NEK7: variants seen among roughly 807,000 people sequenced by gnomAD.
NEK7 encodes the protein serine/threonine-protein kinase Nek7.
In NEK7, 18 loss-of-function variants were observed where a neutral mutation model predicts 44.6. The observed-to-expected ratio is 0.40, with a 90% CI of 0.28 to 0.60. NEK7 has a LOEUF of 0.60. Ranked by LOEUF, NEK7 falls within the 20% of genes least tolerant of loss-of-function variation. NEK7 has a pLI of 0.38. For synonymous variants in NEK7, 130 were observed against 121.1 expected (o/e 1.07, Z -0.48); for missense variants, 256 against 366.5 (o/e 0.70, Z 2.46).
At chr1:198,163,447 G>A (rs112563395) in intron 1 of NEK7, among the ~76,000 whole-genome samples, 2,906 of 152,064 alleles carry the variant, frequency 0.019, 40 homozygotes, top group South Asian at 0.038. Flanking sequence ...CTAGGATTTC[G>A]AGGCTGCAGT....
At chr1:198,276,467 A>G (rs1654021939) in intron 5 of NEK7, among the ~76,000 whole-genome samples, 1 of 151,680 alleles carries the variant, frequency 6.6e-6, no homozygotes, top group Non-Finnish European at 1.5e-5. Flanking sequence ...AGTCTGAAAG[A>G]AAATTATGTG....
At chr1:198,234,103 G>C (rs1007591453) in intron 2 of NEK7, among the ~76,000 whole-genome samples, 1 of 152,050 alleles carries the variant, frequency 6.6e-6, no homozygotes, top group Non-Finnish European at 1.5e-5. Flanking sequence ...TACCTTGGAT[G>C]CCCTCTGGTA....
intron 1 of NEK7, among the ~76,000 whole-genome samples, chr1:198,158,607 G>A (rs1050833333): frequency 6.6e-6 from 1 of 152,168 alleles, no homozygotes; most frequent in African/African-American, 2.4e-5. Flanking sequence ...TGGGACAACC[G>A]GTCAAACCCT....
At chr1:198,296,761 C>T (rs532425360) in intron 8 of NEK7, among the ~76,000 whole-genome samples, 2 of 152,314 alleles carry the variant, frequency 1.3e-5, no homozygotes, top group South Asian at 2.1e-4. Context: ...GGTTGAGCTA[C>T]ACCTTGTGAT....
intron 7 of NEK7, among the ~76,000 whole-genome samples, chr1:198,285,482 G>A (rs1365318211): frequency 1.3e-5 from 2 of 152,156 alleles, no homozygotes; most frequent in Non-Finnish European, 2.9e-5. Flanking sequence ...GGTAGCTGAC[G>A]TCCCTTCATG....
chr1:198,240,684 A>T (rs564260560), intron 2 of NEK7, among the ~76,000 whole-genome samples: 1 of 147,642 alleles, frequency 6.8e-6, no homozygotes, highest in African/African-American at 2.4e-5. Flanking sequence ...TTCTTAAACC[A>T]ATAATTTTTT....
intron 1 of NEK7, among the ~76,000 whole-genome samples, chr1:198,195,233 G>C (rs942148098): frequency 6.6e-6 from 1 of 152,058 alleles, no homozygotes; most frequent in Non-Finnish European, 1.5e-5. Flanking sequence ...TGACATGTAA[G>C]TACCTTTCAG....
At position 198,320,311 on chromosome 1, in the gene NEK7, TG is replaced by T. The variant is rs1421253630; in HGVS notation, c.*790del. The T allele has an allele frequency of 2.0e-5, 3 of 152,174 alleles. No homozygotes were observed. The highest frequency in any genetic ancestry group is 7.2e-5 in the African/African-American group (3 of 41,468). The allele number at this position is 152,174 out of a possible 1,614,324, so 9.4% of individuals were successfully genotyped here. ...GGCTTTTTTTGTGTGTTTTTATTGTTGTTTGTACATTTGAAAAATATTCTTT... is the reference window on the plus strand; with the variant it reads ...GGCTTTTTTTGTGTGTTTTTATTGTTTTTGTACATTTGAAAAATATTCTTT... On this transcript the variant is annotated 3_prime_UTR_variant, in exon 10 of 10. Transcript: ENST00000367385.
At chr1:198,301,525 G>A (rs555431612) in intron 9 of NEK7, among the ~76,000 whole-genome samples, 1 of 152,356 alleles carries the variant, frequency 6.6e-6, no homozygotes, top group Non-Finnish European at 1.5e-5. Context: ...GTTCCAGCCT[G>A]GGCGACAGAG....
intron 1 of NEK7, among the ~76,000 whole-genome samples, chr1:198,169,272 T>C (rs1044383819): frequency 9.2e-5 from 14 of 152,236 alleles, no homozygotes; most frequent in East Asian, 1.9e-4. Flanking sequence ...TTATTTTTGC[T>C]TGGAGGTGCC....
At chr1:198,188,055 A>G (rs16842546) in intron 1 of NEK7, among the ~76,000 whole-genome samples, 22,666 of 152,068 alleles carry the variant, frequency 0.15, 1,870 homozygotes, top group East Asian at 0.22. Context: ...TCTGGTGCCA[A>G]TTTTTTGGGT....
chr1:198,193,391 C>A (rs1055947513), intron 1 of NEK7, among the ~76,000 whole-genome samples: 15 of 152,160 alleles, frequency 9.9e-5, no homozygotes, highest in Non-Finnish European at 2.2e-4. Flanking sequence ...CAAAAAGGAG[C>A]TGGTACCATT....
At chr1:198,203,082 C>A (rs1665483020) in intron 1 of NEK7, among the ~76,000 whole-genome samples, 1 of 138,646 alleles carries the variant, frequency 7.2e-6, no homozygotes, top group Non-Finnish European at 1.5e-5. Context: ...GCATTTATAA[C>A]CATCCTTCCC....
chr1:198,282,310 T>C (rs911074261), intron 7 of NEK7, among the ~76,000 whole-genome samples: 1 of 152,114 alleles, frequency 6.6e-6, no homozygotes, highest in Non-Finnish European at 1.5e-5. Flanking sequence ...GCCTGAAGAA[T>C]GTCATGCAAG....
rs375884692 is a variant in NEK7, at chr1:198,312,613, A to T, written c.799-6799A>T. 1.8e-3 allele frequency among the ~76,000 whole-genome samples: 266 copies of T among 149,730 alleles called. 2 individuals are homozygous for T. The East Asian group carries it at 0.028, about 16-fold the overall frequency. On this transcript the variant is annotated intron_variant, in intron 9 of 9. Coordinates refer to ENST00000367385, the MANE Select transcript of NEK7 (RefSeq NM_133494.3). The stretch of plus-strand genomic sequence containing the variant: ...TGCCCTCTACACACTGCTTTAAATG[A>T]GTCCCAGAGATTCTTGTATGTTGTG...
At chr1:198,263,953 T>C (rs1241670284) in intron 4 of NEK7, among the ~76,000 whole-genome samples, 172 bp from the exon 5 acceptor site, 1 of 152,004 alleles carries the variant, frequency 6.6e-6, no homozygotes, top group Non-Finnish European at 1.5e-5. Flanking sequence ...CTAGTTTTAC[T>C]TTTAATAATT....
At chr1:198,180,446 TG>T (rs1323256274) in intron 1 of NEK7, among the ~76,000 whole-genome samples, 1 of 152,076 alleles carries the variant, frequency 6.6e-6, no homozygotes, top group Non-Finnish European at 1.5e-5. Context: ...TGTAACAGTT[TG>T]CTTGAGGAAT....
At chr1:198,238,202 C>A (rs956289037) in intron 2 of NEK7, among the ~76,000 whole-genome samples, 4 of 152,142 alleles carry the variant, frequency 2.6e-5, no homozygotes, top group Non-Finnish European at 2.9e-5. Flanking sequence ...TTCTCCCCCC[C>A]AGGACACTGC....
intron 2 of NEK7, among the ~76,000 whole-genome samples, chr1:198,234,844 T>C (rs1666501512): frequency 6.6e-6 from 1 of 152,278 alleles, no homozygotes; most frequent in African/African-American, 2.4e-5. Context: ...AGGATTTTTT[T>C]CCCCTCCTCT....
Sources: gnomAD v4.1 joint callset for allele counts (sites outside exome capture counted in the v4.1 genomes callset) on GRCh38, gnomAD v4.1.1 for gene constraint, MANE v1.5 for transcripts, NCBI Gene and HGNC (gene_info 2026-07-23, HGNC 2026-07-21) for gene names.